TMEM117: variants seen among roughly 807,000 people sequenced by gnomAD.
The protein encoded by TMEM117 is transmembrane protein 117.
TMEM117 carries 27 observed loss-of-function variants against 52.4 expected under a neutral mutation model. That is an observed-to-expected ratio of 0.51 (90% CI 0.38 to 0.71). TMEM117 has a LOEUF of 0.71. Ranked by LOEUF, TMEM117 falls within the 30% of genes least tolerant of loss-of-function variation. The pLI is 0.00. For missense variants in TMEM117, 556 were observed against 630.5 expected (o/e 0.88, Z 1.26); for synonymous variants, 215 against 206.3 (o/e 1.04, Z -0.36).
chr12:43,865,109 G>A (rs1253003088), intron 2 of TMEM117, among the ~76,000 whole-genome samples: 1 of 152,144 alleles, frequency 6.6e-6, no homozygotes, highest in African/African-American at 2.4e-5. Flanking sequence ...CGGACCCGCT[G>A]CCTTTAAGAA....
At chr12:44,135,032 C>G (rs1245876937) in intron 3 of TMEM117, among the ~76,000 whole-genome samples, 1 of 152,166 alleles carries the variant, frequency 6.6e-6, no homozygotes, top group South Asian at 2.1e-4. Flanking sequence ...CCCTCTCACT[C>G]TCTGCCACTC....
rs796930433 is a variant in TMEM117, at chr12:44,239,813, TA to T, written c.608+28434del. On this transcript the variant is annotated intron_variant, in intron 5 of 7. Coordinates refer to ENST00000266534, the MANE Select transcript of TMEM117 (RefSeq NM_032256.3). The stretch of plus-strand genomic sequence containing the variant: ...TGCTCTCATACACTAAAGAGTGTTA[TA>T]AAAAAAAGATAGTTGCTATTTTCCT... Among the ~76,000 whole-genome samples the T allele has an allele frequency of 5.9e-4, 89 of 152,010 alleles. 1 individual carries two copies. The highest frequency in any genetic ancestry group is 1.9e-3 in the African/African-American group (79 of 41,510).
intron 1 of TMEM117, among the ~76,000 whole-genome samples, chr12:43,838,536 A>ATTT (rs1565712907): frequency 3.0e-5 from 4 of 134,298 alleles, no homozygotes; most frequent in African/African-American, 3.0e-5. Context: ...GGAGTCTTCC[A>ATTT]GTTTTTTTTT....
chr12:44,200,798 G>A (rs987453733), intron 4 of TMEM117, among the ~76,000 whole-genome samples: 2 of 152,124 alleles, frequency 1.3e-5, no homozygotes, highest in South Asian at 4.1e-4. Context: ...GTTCTTCAAC[G>A]TAGGTGCCAG....
intron 3 of TMEM117, among the ~76,000 whole-genome samples, chr12:44,106,732 A>G (rs1226013338): frequency 3.0e-5 from 1 of 33,552 alleles, no homozygotes; most frequent in Non-Finnish European, 7.0e-5. Context: ...TCTATAGATT[A>G]CATAATCTAA....
chr12:43,948,749 A>G (rs982093448), intron 3 of TMEM117, among the ~76,000 whole-genome samples: 13 of 152,134 alleles, frequency 8.5e-5, no homozygotes, highest in African/African-American at 3.1e-4. Flanking sequence ...CTTGCCTACT[A>G]CAAAATCTTT....
At chr12:44,029,946 A>C (rs1173647504) in intron 3 of TMEM117, among the ~76,000 whole-genome samples, 1 of 152,152 alleles carries the variant, frequency 6.6e-6, no homozygotes, top group Non-Finnish European at 1.5e-5. Context: ...CTCTTTTCAC[A>C]ATGGCGGCCT....
intron 3 of TMEM117, among the ~76,000 whole-genome samples, chr12:44,032,970 C>A (rs1261448918): frequency 1.3e-5 from 2 of 152,266 alleles, no homozygotes; most frequent in Admixed American, 1.3e-4. Context: ...TAAAATGAGG[C>A]TGGGACCTAC....
In TMEM117 at chr12:43,908,814, G is replaced by A. The variant is rs1402849602; in HGVS notation, c.278-35396G>A. On this transcript the variant is annotated intron_variant, in intron 2 of 7. Coordinates refer to ENST00000266534, the MANE Select transcript of TMEM117 (RefSeq NM_032256.3). ...AGAGCTAACTATCCTAAATATATAT[G>A]CACCCAATACAGGAGCACCCAGATT... 2.0e-5 allele frequency among the ~76,000 whole-genome samples: 3 copies of A among 150,390 alleles called. No homozygotes were observed. In the East Asian group the frequency reaches 6.0e-4, roughly 30 times the overall value.
intron 3 of TMEM117, among the ~76,000 whole-genome samples, chr12:44,012,686 C>G (rs1346317026): frequency 2.6e-5 from 4 of 152,074 alleles, no homozygotes; most frequent in African/African-American, 9.7e-5. Flanking sequence ...TTTCATCTTT[C>G]TGCTTATGTT....
intron 5 of TMEM117, among the ~76,000 whole-genome samples, chr12:44,282,006 A>G (rs1950582422): frequency 6.6e-6 from 1 of 152,158 alleles, no homozygotes; most frequent in Admixed American, 6.5e-5. Flanking sequence ...GAGGTAATTG[A>G]ATCACGGGGG....
chr12:44,160,126 C>A (rs574672747), intron 4 of TMEM117, among the ~76,000 whole-genome samples: 2 of 151,978 alleles, frequency 1.3e-5, no homozygotes, highest in Non-Finnish European at 2.9e-5. Flanking sequence ...AAATAAGTAC[C>A]GAGAATGTGT....
chr12:43,885,688 G>T (rs532149100), intron 2 of TMEM117, among the ~76,000 whole-genome samples: 3 of 151,856 alleles, frequency 2.0e-5, no homozygotes, highest in Non-Finnish European at 4.4e-5. Flanking sequence ...AAATAAAAAA[G>T]CTTTAACCTT....
At chr12:44,270,554 C>T (rs551551845) in intron 5 of TMEM117, among the ~76,000 whole-genome samples, 34 of 152,204 alleles carry the variant, frequency 2.2e-4, no homozygotes, top group African/African-American at 7.9e-4. Flanking sequence ...ATCATATCAT[C>T]GGTAAAGAGT....
chr12:44,272,813 C>T (rs1214687501), intron 5 of TMEM117, among the ~76,000 whole-genome samples: 4 of 152,080 alleles, frequency 2.6e-5, no homozygotes, highest in Non-Finnish European at 5.9e-5. Context: ...GACAGTGTGG[C>T]GATTCCTCAG....
At chr12:43,877,623 C>T (rs1389637297) in intron 2 of TMEM117, among the ~76,000 whole-genome samples, 1 of 142,588 alleles carries the variant, frequency 7.0e-6, no homozygotes, top group Non-Finnish European at 1.5e-5. Flanking sequence ...CGACATAGTG[C>T]GACTCGGTCT....
chr12:44,083,668 C>T (rs1947521709), intron 3 of TMEM117: 2 of 151,986 alleles, frequency 1.3e-5, no homozygotes, highest in Non-Finnish European at 2.9e-5. Context: ...CCTCCTAAAG[C>T]CCTGGGATTA....
At chr12:44,209,932 T>G (rs1949622505) in intron 4 of TMEM117, among the ~76,000 whole-genome samples, 1 of 152,080 alleles carries the variant, frequency 6.6e-6, no homozygotes, top group Non-Finnish European at 1.5e-5. Context: ...AGTCCGGTAT[T>G]ATTGAAGGGG....
At chr12:43,806,067 A>G in the TMEM117 span, 10 of 1,517,062 alleles carry the variant, frequency 6.6e-6, no homozygotes, top group South Asian at 2.4e-5. Context: ...CCCGGGAAGC[A>G]GGAGCGCGGA....
Sources: allele counts gnomAD v4.1 joint callset (sites outside exome capture counted in the v4.1 genomes callset), GRCh38; gene constraint gnomAD v4.1.1; transcripts MANE v1.5; gene names NCBI Gene and HGNC (gene_info 2026-07-23, HGNC 2026-07-21).